Variants in CSGALNACT1 observed in about 807,000 individuals in gnomAD.
CSGALNACT1 encodes beta4GalNAcT-1.
Under a neutral mutation model 51.0 loss-of-function variants are expected in CSGALNACT1, and 52 were observed. The ratio of observed to expected loss-of-function variants is 1.02; its 90% CI spans 0.82 to 1.29. The LOEUF (loss-of-function observed/expected upper bound fraction) is 1.29. CSGALNACT1 is among the 50% of genes most tolerant of loss of function. The probability of loss-of-function intolerance (pLI) is 0.00; values close to 1 mark genes in which losing one functional copy is unlikely to be tolerated. For synonymous variants in CSGALNACT1, 341 were observed against 254.4 expected (o/e 1.34, Z -3.24); for missense variants, 935 against 679.2 (o/e 1.38, Z -4.19).
intron 1 of CSGALNACT1, among the ~76,000 whole-genome samples, chr8:19,660,253 A>C (rs1283987663): frequency 2.0e-5 from 3 of 152,268 alleles, no homozygotes; most frequent in African/African-American, 7.2e-5. Context: ...TCACCAAAAA[A>C]GATGAGAGGA....
At chr8:19,588,481 T>C (rs1470820617) in intron 3 of CSGALNACT1, among the ~76,000 whole-genome samples, 1 of 152,200 alleles carries the variant, frequency 6.6e-6, no homozygotes, top group Non-Finnish European at 1.5e-5. Context: ...CCTATACAAA[T>C]ACTGATTACC....
chr8:19,455,111 G>A lies in CSGALNACT1; in HGVS notation c.851+3315C>T, dbSNP rs528172544. Among the ~76,000 whole-genome samples, 37 of 152,296 alleles carry A rather than the reference G, an allele frequency of 2.4e-4. No homozygotes were observed. In the East Asian group the frequency reaches 6.6e-3, roughly 27 times the overall value. On this transcript the variant is annotated intron_variant, in intron 5 of 9. Coordinates refer to ENST00000454498, the Ensembl canonical transcript of CSGALNACT1. ...ATGTTAATAAGGGTTAATTCTAGGA[G>A]GTGAGACCTGGAGTGACTTTTTAAA...
At chr8:19,413,985 G>A (rs1014611946) in intron 8 of CSGALNACT1, among the ~76,000 whole-genome samples, 1 of 152,158 alleles carries the variant, frequency 6.6e-6, no homozygotes, top group African/African-American at 2.4e-5. Context: ...ATCCCAACAA[G>A]GGCTCAGGGC....
chr8:19,491,433 T>G (rs2153963659), intron 4 of CSGALNACT1, among the ~76,000 whole-genome samples: 1 of 152,362 alleles, frequency 6.6e-6, no homozygotes, highest in South Asian at 2.1e-4. Flanking sequence ...TTGATACAAA[T>G]TACTTTACAG....
At chr8:19,445,470 C>T (rs530083427) in intron 5 of CSGALNACT1, among the ~76,000 whole-genome samples, 35 of 152,176 alleles carry the variant, frequency 2.3e-4, no homozygotes, top group Non-Finnish European at 4.1e-4. Flanking sequence ...GATGCTGTGA[C>T]TAGGTGAGGC....
In CSGALNACT1 at chr8:19,541,553, A is replaced by ATTTTTTTTTTTTTTTTTTTTTTTTTT. The variant is rs1159626193; in HGVS notation, c.-296-35449_-296-35424dup. Among the ~76,000 whole-genome samples, 13 of 70,096 alleles carry ATTTTTTTTTTTTTTTTTTTTTTTTTT rather than the reference A, an allele frequency of 1.9e-4. 2 individuals are homozygous for ATTTTTTTTTTTTTTTTTTTTTTTTTT. The highest frequency in any genetic ancestry group is 4.4e-4 in the East Asian group (1 of 2,298). 46.0% of individuals were successfully genotyped at this position (70,096 alleles called of 152,430 possible). On this transcript the variant is annotated intron_variant, in intron 3 of 9. Coordinates refer to ENST00000454498, the Ensembl canonical transcript of CSGALNACT1. Reference sequence around the variant, plus strand: ...AGGTGTGAGCCACCGTGCTCAGCCAATTTTTTTTTTTTTTTTTTTTTTTTT... The same window carrying ATTTTTTTTTTTTTTTTTTTTTTTTTT: ...AGGTGTGAGCCACCGTGCTCAGCCAATTTTTTTTTTTTTTTTTTTTTTTTTTTTTTTTTTTTTTTTTTTTTTTTTTT...
chr8:19,680,361 G>C (rs2060504713), intron 1 of CSGALNACT1, among the ~76,000 whole-genome samples: 1 of 152,202 alleles, frequency 6.6e-6, no homozygotes, highest in African/African-American at 2.4e-5. Context: ...TTCAAGACCA[G>C]CCTGGCCAAC....
At chr8:19,428,825 A>ATG (rs59241616) in intron 6 of CSGALNACT1, among the ~76,000 whole-genome samples, 7,724 of 142,812 alleles carry the variant, frequency 0.054, 228 homozygotes, top group African/African-American at 0.091. Context: ...AAGACATGAT[A>ATG]TGTGTGTGTG....
At chr8:19,623,307 CATAGATATTTTAAT>C (rs1345098148) in intron 1 of CSGALNACT1, among the ~76,000 whole-genome samples, 4 of 152,126 alleles carry the variant, frequency 2.6e-5, no homozygotes, top group African/African-American at 7.2e-5. Flanking sequence ...AATCCTTAAT[CATAGATATTTTAAT>C]ATACCTTTCT....
chr8:19,727,033 A>C (rs1282696286), intron 1 of CSGALNACT1, among the ~76,000 whole-genome samples: 1 of 152,062 alleles, frequency 6.6e-6, no homozygotes, highest in Non-Finnish European at 1.5e-5. Context: ...TTCCCCTCAA[A>C]ATTCAAATCC....
chr8:19,489,346 T>C (rs1048035806), intron 4 of CSGALNACT1, among the ~76,000 whole-genome samples: 1 of 152,218 alleles, frequency 6.6e-6, no homozygotes, highest in African/African-American at 2.4e-5. Flanking sequence ...TATTGTCATA[T>C]TGTTAGACTT....
At chr8:19,449,543 T>C (rs1277464073) in intron 5 of CSGALNACT1, among the ~76,000 whole-genome samples, 2 of 152,204 alleles carry the variant, frequency 1.3e-5, no homozygotes, top group Non-Finnish European at 2.9e-5. Flanking sequence ...GACTCTACAC[T>C]TACTGCTTTA....
At position 19,691,733 on chromosome 8, in the gene CSGALNACT1, A is replaced by G. The variant is rs142616573; in HGVS notation, c.-297+66117T>C. 3.7e-3 allele frequency among the ~76,000 whole-genome samples: 564 copies of G among 152,270 alleles called. 2 individuals carry two copies. The highest frequency in any genetic ancestry group is 0.012 in the African/African-American group (517 of 41,558). The stretch of plus-strand genomic sequence containing the variant: ...TTTAAGCCTCAGCTCCTCTGCTGTA[A>G]GATGGAGCTAACTATACGGGTCTGG... On this transcript the variant is annotated intron_variant, in intron 1 of 1. Transcript: ENST00000517494.
At chr8:19,711,479 C>T (rs1179554583) in intron 1 of CSGALNACT1, among the ~76,000 whole-genome samples, 2 of 152,062 alleles carry the variant, frequency 1.3e-5, no homozygotes, top group Non-Finnish European at 2.9e-5. Flanking sequence ...ATTTCAACAG[C>T]GTGGCGTCTA....
intron 3 of CSGALNACT1, among the ~76,000 whole-genome samples, chr8:19,556,977 C>G (rs1455712325): frequency 1.4e-5 from 2 of 139,312 alleles, no homozygotes; most frequent in Non-Finnish European, 3.0e-5. Context: ...ACTCTCTGCC[C>G]AGCCAAAAAA....
At chr8:19,423,155 C>T (rs1374782386) in intron 6 of CSGALNACT1, among the ~76,000 whole-genome samples, 2 of 152,194 alleles carry the variant, frequency 1.3e-5, no homozygotes, top group South Asian at 4.1e-4. Flanking sequence ...CAGCAAGTGA[C>T]TTTTGCCAAG....
intron 1 of CSGALNACT1, among the ~76,000 whole-genome samples, chr8:19,735,389 A>C (rs184057926): frequency 3.3e-5 from 5 of 152,300 alleles, no homozygotes; most frequent in African/African-American, 1.2e-4. Flanking sequence ...GAACAAATAC[A>C]CTTTAAATAT....
chr8:19,686,766 A>G (rs376791499), upstream of CSGALNACT1, among the ~76,000 whole-genome samples: 2 of 152,224 alleles, frequency 1.3e-5, no homozygotes, highest in South Asian at 4.1e-4. Context: ...TCAGAAGGGA[A>G]CATTCAGAAC....
At chr8:19,662,084 C>CCG (rs2058808970) in intron 1 of CSGALNACT1, among the ~76,000 whole-genome samples, 1 of 108,444 alleles carries the variant, frequency 9.2e-6, no homozygotes, top group East Asian at 3.0e-4. Context: ...ACCCCCCCCC[C>CCG]CCCCCGCATC....
Sources: allele counts gnomAD v4.1 joint callset (sites outside exome capture counted in the v4.1 genomes callset), GRCh38; gene constraint gnomAD v4.1.1; transcripts MANE v1.5; gene names NCBI Gene and HGNC (gene_info 2026-07-23, HGNC 2026-07-21).